The following TNRC6A variants were observed in gnomAD, a reference collection of about 807,000 sequenced individuals.
TNRC6A encodes trinucleotide repeat-containing gene 6A protein.
Under a neutral mutation model 221.2 loss-of-function variants are expected in TNRC6A, and 44 were observed. That is an observed-to-expected ratio of 0.20 (90% CI 0.16 to 0.26). TNRC6A has a LOEUF of 0.26. TNRC6A is among the 10% of genes least tolerant of loss of function. The pLI is 1.00. For missense variants in TNRC6A, 2,199 were observed against 2,404.4 expected, an observed-to-expected ratio of 0.91 and a Z score of 1.79; for synonymous variants, 847 against 838.5, an observed-to-expected ratio of 1.01 and a Z score of -0.18.
At chr16:24,682,068 G>A (rs2055542677) in intron 2 of TNRC6A, among the ~76,000 whole-genome samples, 1 of 152,142 alleles carries the variant, frequency 6.6e-6, no homozygotes, top group Non-Finnish European at 1.5e-5. Flanking sequence ...GTCTGTAAAT[G>A]TTGTACGGGG....
At chr16:24,669,259 G>A (rs969114039) in intron 2 of TNRC6A, among the ~76,000 whole-genome samples, 1 of 152,058 alleles carries the variant, frequency 6.6e-6, no homozygotes, top group African/African-American at 2.4e-5. Context: ...AGCAGTTTGG[G>A]AGACTGAGTT....
chr16:24,823,251 C>T lies in TNRC6A; in HGVS notation c.5514-181C>T, dbSNP rs963339152. ...AGTTCGCTCTGGGCAAGGCACCAGG[C>T]CCTGGAGAGCTGTGGGTGCACACTC... On this transcript the variant is annotated intron_variant, in intron 24 of 24. Coordinates refer to ENST00000395799, the MANE Select transcript of TNRC6A (RefSeq NM_014494.4). The surrounding 1 kb of genome is among the most constrained non-coding windows in gnomAD (Gnocchi z 4.3). 2.6e-5 allele frequency among the ~76,000 whole-genome samples: 4 copies of T among 152,182 alleles called. No individual in the cohort carries two copies. The highest frequency in any genetic ancestry group is 9.7e-5 in the African/African-American group (4 of 41,444).
chr16:24,797,446 C>G (rs760569475), intron 9 of TNRC6A, 44 bp from the exon 10 acceptor site: 1 of 1,458,618 alleles, frequency 6.9e-7, no homozygotes, highest in South Asian at 1.2e-5. Flanking sequence ...CCCAGATAAA[C>G]AGAGATGGCC....
chr16:24,715,496 T>G (rs2056295231), intron 2 of TNRC6A, among the ~76,000 whole-genome samples: 1 of 152,140 alleles, frequency 6.6e-6, no homozygotes, highest in Non-Finnish European at 1.5e-5. Flanking sequence ...AATTACAAGG[T>G]TTTCTACTCT....
chr16:24,712,838 C>G (rs1363194212), intron 2 of TNRC6A, among the ~76,000 whole-genome samples: 1 of 151,994 alleles, frequency 6.6e-6, no homozygotes, highest in Non-Finnish European at 1.5e-5. Flanking sequence ...ACTGCAGCCT[C>G]AATCTCCTGG....
At chr16:24,763,229 G>GT (rs149704792) in intron 4 of TNRC6A, among the ~76,000 whole-genome samples, 7,621 of 152,148 alleles carry the variant, frequency 0.05, 289 homozygotes, top group Middle Eastern at 0.075. Flanking sequence ...CGTTCAAAGT[G>GT]TTTTTTTGCT....
Position 24,797,539 on chromosome 16 carries a change from T to C in TNRC6A, c.3611T>C (p.Phe1204Ser). The change falls in exon 10 of 25, where the codon TTT (phenylalanine) becomes TCT (serine). Residue 1204 changes from phenylalanine (F) to serine (S), a missense_variant. Transcript: ENST00000395799. ...NKQEEAWINP[F>S]VKQFSNISFS... ...CAAGAAGAAGCGTGGATAAATCCATTTGTTAAACAGTTTTCAAACATCAGT... is the reference window on the plus strand; with the variant it reads ...CAAGAAGAAGCGTGGATAAATCCATCTGTTAAACAGTTTTCAAACATCAGT... 6.2e-7 allele frequency: 1 copy of C among 1,612,496 alleles called. No homozygotes were observed. The highest frequency in any genetic ancestry group is 8.5e-7 in the Non-Finnish European group (1 of 1,179,568).
At chr16:24,612,680 G>C (rs367811746) in intron 1 of TNRC6A, among the ~76,000 whole-genome samples, 4 of 151,924 alleles carry the variant, frequency 2.6e-5, no homozygotes, top group African/African-American at 9.7e-5. Context: ...CCAGGAGGTC[G>C]AGGCTGCAGT....
intron 6 of TNRC6A, among the ~76,000 whole-genome samples, chr16:24,792,912 C>T (rs551723025): frequency 1.3e-5 from 2 of 151,924 alleles, no homozygotes; most frequent in East Asian, 1.9e-4. Flanking sequence ...TCTCAGCCTC[C>T]TGAGTAGCTG....
In TNRC6A at chr16:24,789,471, G is replaced by C. The variant is rs372523692; in HGVS notation, c.829G>C (p.Gly277Arg). 3.1e-6 allele frequency: 5 copies of C among 1,614,192 alleles called. No individual in the cohort carries two copies. Among genetic ancestry groups the C allele is most frequent in the African/African-American group, 2.7e-5 (2 of 75,038 alleles). Residue 277 changes from glycine to arginine, a missense_variant, in exon 6 of 25, where the codon GGT becomes CGT. By Grantham distance (125) the Gly-to-Arg change is moderately radical. Transcript: ENST00000395799. ...CACTATCATGGCTTCAGGGAACACA[G>C]GTGGTGAAAAAGATGGCCTTCGGAA... ...NITIMASGNT[G>R]GEKDGLRNST...
intron 2 of TNRC6A, among the ~76,000 whole-genome samples, chr16:24,654,660 A>G (rs1455245859): frequency 6.6e-6 from 1 of 152,148 alleles, no homozygotes; most frequent in Non-Finnish European, 1.5e-5. Flanking sequence ...CGGAGGTTGC[A>G]ATGAGATGAG....
chr16:24,773,159 GT>G (rs2057648624), intron 4 of TNRC6A, among the ~76,000 whole-genome samples: 1 of 151,998 alleles, frequency 6.6e-6, no homozygotes, highest in African/African-American at 2.4e-5. Flanking sequence ...ATGTGCGGGT[GT>G]TTTCCCCCTT....
chr16:24,730,267 A>G lies in TNRC6A; in HGVS notation c.20A>G (p.Lys7Arg), dbSNP rs748845992. 1.2e-6 allele frequency: 2 copies of G among 1,603,622 alleles called. No homozygotes were observed. The highest frequency in any genetic ancestry group is 1.7e-6 in the Non-Finnish European group (2 of 1,176,460). ...TTTTGTTTCAGAGAATTGGAAGCTAAAGCTACCAAAGACGTAGAAAGAAAT... is the reference window on the plus strand; with the variant it reads ...TTTTGTTTCAGAGAATTGGAAGCTAGAGCTACCAAAGACGTAGAAAGAAAT... Reference protein sequence around the residue: MRELEAKATKDVERNLS... With the variant: MRELEARATKDVERNLS... Residue 7 changes from lysine to arginine, a missense_variant, in exon 2 of 25, where the codon AAA (lysine) becomes AGA (arginine). By Grantham distance (26) the Lys-to-Arg change is conservative. Transcript: ENST00000395799.
chr16:24,780,597 T>C (rs1028133518), intron 5 of TNRC6A, among the ~76,000 whole-genome samples: 1 of 152,112 alleles, frequency 6.6e-6, no homozygotes, highest in Non-Finnish European at 1.5e-5. Flanking sequence ...TAGTGAGATA[T>C]AAAGATTTAC....
intron 2 of TNRC6A, among the ~76,000 whole-genome samples, chr16:24,741,053 A>T (rs1281165427): frequency 2.6e-5 from 4 of 152,088 alleles, no homozygotes; most frequent in Non-Finnish European, 5.9e-5. Context: ...ATGTATCTGG[A>T]TTCATTAGGA....
chr16:24,809,014 T>G (rs545904156), intron 17 of TNRC6A, among the ~76,000 whole-genome samples: 1 of 152,282 alleles, frequency 6.6e-6, no homozygotes, highest in South Asian at 2.1e-4. Context: ...ATTTTTACTT[T>G]AGAATTTGCA....
intron 5 of TNRC6A, among the ~76,000 whole-genome samples, chr16:24,779,251 AG>A (rs2057789398): frequency 6.6e-6 from 1 of 152,160 alleles, no homozygotes; most frequent in Non-Finnish European, 1.5e-5. Flanking sequence ...ATTGATGTGG[AG>A]GCTAAGGTGG....
rs543954949 is a variant in TNRC6A, at chr16:24,703,169, A to G, written n.403-47557A>G. 6.6e-5 allele frequency among the ~76,000 whole-genome samples: 10 copies of G among 152,112 alleles called. No individual in the cohort carries two copies. In the South Asian group the frequency reaches 2.1e-3, roughly 32 times the overall value. On this transcript the variant is annotated intron_variant and non_coding_transcript_variant, in intron 2 of 2. Transcript: ENST00000566108. ...GAATATTTTATTCACCACCTAAAAA[A>G]CCCACATTCTTTAACTATCACCCCC...
chr16:24,764,757 A>C (rs1456935671), intron 4 of TNRC6A, among the ~76,000 whole-genome samples: 1 of 152,142 alleles, frequency 6.6e-6, no homozygotes, highest in Non-Finnish European at 1.5e-5. Flanking sequence ...GTATACAGTA[A>C]TCCCCCTGTA....
Sources: gnomAD v4.1 joint callset for allele counts (sites outside exome capture counted in the v4.1 genomes callset) on GRCh38, gnomAD v4.1.1 for gene constraint, Gnocchi (gnomAD v3.1) non-coding constraint, MANE v1.5 for transcripts, NCBI Gene and HGNC (gene_info 2026-07-23, HGNC 2026-07-21) for gene names.